Variants in MRTFB observed in about 807,000 individuals in gnomAD.
The protein encoded by MRTFB is myocardin related transcription factor B, also known as myocardin-related transcription factor B.
Under a neutral mutation model 104.2 loss-of-function variants are expected in MRTFB, and 29 were observed. The observed-to-expected ratio is 0.28, with a 90% CI of 0.21 to 0.38. The LOEUF (loss-of-function observed/expected upper bound fraction) is 0.38. MRTFB is among the 10% of genes least tolerant of loss of function. The probability of loss-of-function intolerance (pLI) is 1.00; values close to 1 mark genes in which losing one functional copy is unlikely to be tolerated. For missense variants in MRTFB, 1,270 were observed against 1,341.6 expected (o/e 0.95, Z 0.83); for synonymous variants, 535 against 519.5 (o/e 1.03, Z -0.41).
At position 14,263,929 on chromosome 16, in the gene MRTFB, A is replaced by G. The variant is rs2043861199; in HGVS notation, c.*2485A>G. The G allele has an allele frequency of 6.6e-6, 1 of 152,130 alleles. No homozygotes were observed. The highest frequency in any genetic ancestry group is 2.4e-5 in the African/African-American group (1 of 41,402). The allele number at this position is 152,130 out of a possible 1,614,324, so 9.4% of individuals were successfully genotyped here. A position where few individuals can be genotyped will look rare whatever the true frequency, so the allele number is the denominator to read the frequency against. ...AGTGCTGCTCTCCAGGATCTCCACTACATGTTCCAGGTTGGAGTGAGGACG... is the reference window on the plus strand; with the variant it reads ...AGTGCTGCTCTCCAGGATCTCCACTGCATGTTCCAGGTTGGAGTGAGGACG... On this transcript the variant is annotated 3_prime_UTR_variant, in exon 17 of 17. Transcript: ENST00000571589.
chr16:14,218,772 T>A, intron 7 of MRTFB, 48 bp from the exon 8 acceptor site: 1 of 1,515,960 alleles, frequency 6.6e-7, no homozygotes, highest in South Asian at 1.3e-5. Flanking sequence ...TTAAGCTTGG[T>A]ATTCCAAAGC....
chr16:14,054,463 G>A, the MRTFB span, among the ~76,000 whole-genome samples: 761 of 152,020 alleles, frequency 5.0e-3, 10 homozygotes, highest in African/African-American at 0.017. Flanking sequence ...GTGATCCACC[G>A]TCCTCAGCCT....
chr16:14,259,837 A>G (rs1451616616), intron 16 of MRTFB, among the ~76,000 whole-genome samples: 1 of 152,244 alleles, frequency 6.6e-6, no homozygotes, highest in Non-Finnish European at 1.5e-5. Context: ...AGAGATGACT[A>G]CTGATAATTA....
At chr16:14,036,296 T>TTATATATATTTATATATATATATATATA in the MRTFB span, among the ~76,000 whole-genome samples, 1 of 98,354 alleles carries the variant, frequency 1.0e-5, no homozygotes, top group Non-Finnish European at 2.0e-5. Context: ...TTATATATAT[T>TTATATATATTTATATATATATATATATA]TATATATATA....
At chr16:14,085,556 TA>T (rs2034657540) in intron 2 of MRTFB, among the ~76,000 whole-genome samples, 3 of 152,110 alleles carry the variant, frequency 2.0e-5, no homozygotes, top group African/African-American at 7.2e-5. Flanking sequence ...CACTCCAAGT[TA>T]ACATTGTTGA....
rs941862784 is a variant in MRTFB at position 14,262,165 on chromosome 16, A to T, written c.*721A>T. 4 of 152,246 alleles carry T rather than the reference A, an allele frequency of 2.6e-5. No individual in the cohort carries two copies. 9.4% of individuals were successfully genotyped at this position (152,246 alleles called of 1,614,324 possible). A position where few individuals can be genotyped will look rare whatever the true frequency, so the allele number is the denominator to read the frequency against. ...AAGTCCAGGTATACTGATAACACTG[A>T]AAATTCTATTAGCAACCTTCTGGGT... On this transcript the variant is annotated 3_prime_UTR_variant, in exon 17 of 17. Transcript: ENST00000571589.
chr16:14,208,754 A>G (rs1329146378), intron 3 of MRTFB, among the ~76,000 whole-genome samples: 2 of 152,246 alleles, frequency 1.3e-5, no homozygotes, highest in South Asian at 4.1e-4. Flanking sequence ...TTAGTAAAGT[A>G]CAGTGGGAAC....
intron 9 of MRTFB, among the ~76,000 whole-genome samples, chr16:14,239,613 G>A (rs1402033709): frequency 1.3e-5 from 2 of 152,114 alleles, no homozygotes; most frequent in Non-Finnish European, 2.9e-5. Context: ...AAACTGAGAA[G>A]ACAACAAGAC....
At chr16:14,184,677 T>C (rs2039884599) in intron 3 of MRTFB, among the ~76,000 whole-genome samples, 1 of 152,180 alleles carries the variant, frequency 6.6e-6, no homozygotes, top group Non-Finnish European at 1.5e-5. Context: ...TTAGTATGAT[T>C]ATGTTAGCTT....
the MRTFB span, among the ~76,000 whole-genome samples, chr16:14,033,265 G>A: frequency 6.6e-6 from 1 of 152,034 alleles, no homozygotes; most frequent in African/African-American, 2.4e-5. Context: ...AAAAACATAG[G>A]TCGGGTGCAG....
At chr16:14,216,108 A>G (rs767241298) in intron 6 of MRTFB, among the ~76,000 whole-genome samples, 9 of 152,240 alleles carry the variant, frequency 5.9e-5, no homozygotes, top group Non-Finnish European at 1.2e-4. Context: ...ATCAAGGCTC[A>G]CTTTTGGCAA....
chr16:14,184,305 C>A (rs546417194), intron 3 of MRTFB, among the ~76,000 whole-genome samples: 1 of 151,632 alleles, frequency 6.6e-6, no homozygotes, highest in East Asian at 1.9e-4. Context: ...TCACTGTAAC[C>A]TCTGCCTCCC....
the MRTFB span, among the ~76,000 whole-genome samples, chr16:14,006,306 G>A: frequency 5.9e-3 from 904 of 152,056 alleles, 3 homozygotes; most frequent in Middle Eastern, 0.014. Context: ...TTGTGTCATT[G>A]CACTCCAGCC....
the MRTFB span, among the ~76,000 whole-genome samples, chr16:14,060,239 T>C: frequency 5.4e-3 from 825 of 152,086 alleles, 3 homozygotes; most frequent in Non-Finnish European, 8.5e-3. Flanking sequence ...ACTTCTGACC[T>C]CAAGTGATCT....
At chr16:14,049,950 C>G in the MRTFB span, among the ~76,000 whole-genome samples, 1 of 152,292 alleles carries the variant, frequency 6.6e-6, no homozygotes, top group East Asian at 1.9e-4. Flanking sequence ...CCAGGCTGGT[C>G]TCAAACTCCT....
upstream of MRTFB, among the ~76,000 whole-genome samples, chr16:14,068,123 C>T (rs901081255): frequency 6.6e-6 from 1 of 152,184 alleles, no homozygotes; most frequent in Non-Finnish European, 1.5e-5. Flanking sequence ...TGAGCCACCA[C>T]AGCTGGCCTA....
intron 2 of MRTFB, among the ~76,000 whole-genome samples, chr16:14,140,205 C>G (rs2037922376): frequency 6.6e-6 from 1 of 152,208 alleles, no homozygotes; most frequent in East Asian, 1.9e-4. Flanking sequence ...TCAAGCCAGA[C>G]TACTTCTTTA....
chr16:14,002,569 G>A, the MRTFB span, among the ~76,000 whole-genome samples: 1 of 152,064 alleles, frequency 6.6e-6, no homozygotes, highest in Admixed American at 6.6e-5. Flanking sequence ...CTGCATCATC[G>A]ACAATTCTCT....
intron 3 of MRTFB, among the ~76,000 whole-genome samples, chr16:14,194,216 G>A (rs1189497670): frequency 6.6e-6 from 1 of 152,116 alleles, no homozygotes; most frequent in Admixed American, 6.5e-5. Flanking sequence ...ACAAAATACC[G>A]GTGGACTACC....
Sources: allele counts gnomAD v4.1 joint callset (sites outside exome capture counted in the v4.1 genomes callset), GRCh38; gene constraint gnomAD v4.1.1; transcripts MANE v1.5; gene names NCBI Gene and HGNC (gene_info 2026-07-23, HGNC 2026-07-21).